The following RHBDD1 variants were observed in gnomAD, a reference collection of about 807,000 sequenced individuals.
RHBDD1 encodes rhomboid-related protein 4.
RHBDD1 carries 38 observed loss-of-function variants against 36.3 expected under a neutral mutation model. The ratio of observed to expected loss-of-function variants is 1.05; its 90% CI spans 0.81 to 1.37. RHBDD1 has a LOEUF of 1.37. Among genes scored for constraint, RHBDD1 ranks in the 40% most tolerant of loss-of-function variants. The pLI, the probability that RHBDD1 is intolerant of heterozygous loss-of-function variation, is 0.00. For synonymous variants in RHBDD1, 151 were observed against 136.5 expected, an observed-to-expected ratio of 1.11 and a Z score of -0.74; for missense variants, 393 against 377.6, an observed-to-expected ratio of 1.04 and a Z score of -0.34.
In RHBDD1 at chr2:226,997,962, G is replaced by A. The variant is rs1959881013; in HGVS notation, c.*2440G>A. ...AAAGTTATGCCAACAAACTGGAATTGGATTGAGAAAGACAAAAGCAAGTGA... is the reference window on the plus strand; with the variant it reads ...AAAGTTATGCCAACAAACTGGAATTAGATTGAGAAAGACAAAAGCAAGTGA... On this transcript the variant is annotated 3_prime_UTR_variant, in exon 9 of 9. Transcript: ENST00000392062. 1.3e-5 allele frequency: 2 copies of A among 152,186 alleles called. No homozygotes were observed. The highest frequency in any genetic ancestry group is 6.5e-5 in the Admixed American group (1 of 15,282). The allele number at this position is 152,186 out of a possible 1,614,324, so 9.4% of individuals were successfully genotyped here.
chr2:226,834,575 A>G (rs746983825), upstream of RHBDD1, among the ~76,000 whole-genome samples: 47 of 152,324 alleles, frequency 3.1e-4, no homozygotes, highest in Middle Eastern at 3.4e-3. Context: ...CAAAATAAAT[A>G]TTTCTATGAA....
chr2:226,827,529 CTTTTTGTTTTG>C, the RHBDD1 span, among the ~76,000 whole-genome samples: 1 of 152,168 alleles, frequency 6.6e-6, no homozygotes, highest in South Asian at 2.1e-4. Context: ...CTCACTTCGC[CTTTTTGTTTTG>C]TTTTTGTTTG....
At chr2:226,801,304 A>G in the RHBDD1 span, among the ~76,000 whole-genome samples, 1 of 152,154 alleles carries the variant, frequency 6.6e-6, no homozygotes, top group Non-Finnish European at 1.5e-5. Flanking sequence ...CCTGTTTTTC[A>G]AGCCTTGCAC....
chr2:226,868,067 CT>C, intron 5 of RHBDD1, among the ~76,000 whole-genome samples: 1 of 152,230 alleles, frequency 6.6e-6, no homozygotes, highest in Middle Eastern at 3.4e-3. Flanking sequence ...GGTAGTAGAA[CT>C]TTTTAAACAA....
chr2:226,989,692 C>T (rs751345749), intron 8 of RHBDD1, among the ~76,000 whole-genome samples: 58 of 152,196 alleles, frequency 3.8e-4, no homozygotes, highest in Non-Finnish European at 6.8e-4. Flanking sequence ...CATAGTGGAC[C>T]TGATGTTATA....
chr2:226,822,997 G>A, the RHBDD1 span, among the ~76,000 whole-genome samples: 4 of 152,166 alleles, frequency 2.6e-5, no homozygotes, highest in Admixed American at 2.6e-4. Context: ...ATGGTGGTGT[G>A]TGCCTGTCAT....
intron 3 of RHBDD1, among the ~76,000 whole-genome samples, chr2:226,858,742 T>C (rs1943563135): frequency 6.6e-6 from 1 of 152,222 alleles, no homozygotes; most frequent in African/African-American, 2.4e-5. Flanking sequence ...AGCTGCTTAG[T>C]CTTTCTTATT....
At chr2:226,875,045 T>C (rs1259698645) in intron 5 of RHBDD1, among the ~76,000 whole-genome samples, 1 of 152,250 alleles carries the variant, frequency 6.6e-6, no homozygotes, top group Non-Finnish European at 1.5e-5. Context: ...TTTGTAGATT[T>C]ATCTACCGTA....
intron 5 of RHBDD1, among the ~76,000 whole-genome samples, chr2:226,901,756 C>T (rs1232480464): frequency 6.6e-6 from 1 of 152,126 alleles, no homozygotes; most frequent in Non-Finnish European, 1.5e-5. Flanking sequence ...GGACTAATAT[C>T]CAAAATATGT....
the RHBDD1 span, among the ~76,000 whole-genome samples, chr2:226,812,872 T>C: frequency 1.5e-3 from 225 of 152,346 alleles, 1 homozygote; most frequent in East Asian, 0.042. Flanking sequence ...CTTAGAGATG[T>C]ATACATAAAT....
chr2:226,867,680 AG>A (rs1351508360), intron 5 of RHBDD1: 1 of 979,920 alleles, frequency 1.0e-6, no homozygotes, highest in African/African-American at 1.8e-5. Flanking sequence ...AAGATTAAAA[AG>A]CTATAAGGTA....
intron 5 of RHBDD1, among the ~76,000 whole-genome samples, chr2:226,869,845 G>A (rs1401134751): frequency 1.3e-5 from 2 of 152,184 alleles, no homozygotes; most frequent in Non-Finnish European, 2.9e-5. Flanking sequence ...AGGTGATAGT[G>A]TCTGAAGGGG....
At chr2:226,914,875 GAAAA>G (rs1164895139) in intron 8 of RHBDD1, among the ~76,000 whole-genome samples, 3 of 152,100 alleles carry the variant, frequency 2.0e-5, no homozygotes, top group African/African-American at 7.2e-5. Context: ...ACCGATATCT[GAAAA>G]AACACTGTAT....
intron 8 of RHBDD1, among the ~76,000 whole-genome samples, chr2:226,954,937 G>A (rs994131058): frequency 5.3e-5 from 8 of 151,954 alleles, no homozygotes; most frequent in South Asian, 4.1e-4. Context: ...AGGGGTGGGG[G>A]CAGGCACAGT....
chr2:226,887,923 A>G (rs1161039163), intron 5 of RHBDD1, among the ~76,000 whole-genome samples: 1 of 152,224 alleles, frequency 6.6e-6, no homozygotes, highest in Non-Finnish European at 1.5e-5. Context: ...TCCATTAAAG[A>G]ATAACCTTAA....
chr2:226,805,938 G>T, the RHBDD1 span, among the ~76,000 whole-genome samples: 1 of 152,026 alleles, frequency 6.6e-6, no homozygotes, highest in African/African-American at 2.4e-5. Context: ...AGTAATGATG[G>T]ATATTCCGTG....
intron 8 of RHBDD1, among the ~76,000 whole-genome samples, chr2:226,962,958 A>G (rs1479777557): frequency 1.3e-5 from 2 of 152,104 alleles, no homozygotes; most frequent in African/African-American, 4.8e-5. Flanking sequence ...CCTTGGCACT[A>G]TTGGAACTTT....
the RHBDD1 span, among the ~76,000 whole-genome samples, chr2:226,811,876 G>T: frequency 6.6e-6 from 1 of 152,120 alleles, no homozygotes; most frequent in Admixed American, 6.5e-5. Context: ...ACAGTCATAG[G>T]GTTCACCAAT....
intron 8 of RHBDD1, among the ~76,000 whole-genome samples, chr2:226,954,379 G>T (rs74937266): frequency 1.3e-5 from 2 of 151,902 alleles, no homozygotes; most frequent in Admixed American, 6.6e-5. Flanking sequence ...ATGTGCTTAT[G>T]GATTTAAGAA....
Sources: gnomAD v4.1 joint callset for allele counts (sites outside exome capture counted in the v4.1 genomes callset) on GRCh38, gnomAD v4.1.1 for gene constraint, MANE v1.5 for transcripts, NCBI Gene and HGNC (gene_info 2026-07-23, HGNC 2026-07-21) for gene names.